The following LRRC4C variants were observed in gnomAD, a reference collection of about 807,000 sequenced individuals.
The protein encoded by LRRC4C is leucine rich repeat containing 4C.
In LRRC4C, 5 loss-of-function variants were observed where a neutral mutation model predicts 33.6. That is an observed-to-expected ratio of 0.15 (90% CI 0.08 to 0.31). The LOEUF (loss-of-function observed/expected upper bound fraction) is 0.31. LRRC4C is among the 10% of genes least tolerant of loss of function. The pLI is 1.00. For missense variants in LRRC4C, 560 were observed against 796.7 expected (o/e 0.70, Z 3.58); for synonymous variants, 329 against 302.0 (o/e 1.09, Z -0.93).
intron 3 of LRRC4C, among the ~76,000 whole-genome samples, chr11:40,631,401 A>G (rs74455930): frequency 0.02 from 3,115 of 152,298 alleles, 50 homozygotes; most frequent in South Asian, 0.037. Context: ...GTTTGGGGCC[A>G]GAGTCACTTT....
At chr11:40,372,620 G>A (rs545129059) in intron 3 of LRRC4C, among the ~76,000 whole-genome samples, 1 of 152,264 alleles carries the variant, frequency 6.6e-6, no homozygotes, top group Non-Finnish European at 1.5e-5. Context: ...GGGAGGGGGA[G>A]ACTCATTCAG....
At chr11:41,377,173 T>A (rs1428885235) in intron 1 of LRRC4C, among the ~76,000 whole-genome samples, 1 of 152,204 alleles carries the variant, frequency 6.6e-6, no homozygotes, top group African/African-American at 2.4e-5. Context: ...TTATCTTCAA[T>A]TGTCCTCCCT....
chr11:40,118,897 G>T (rs915976367), intron 6 of LRRC4C, among the ~76,000 whole-genome samples: 1 of 152,174 alleles, frequency 6.6e-6, no homozygotes, highest in Non-Finnish European at 1.5e-5. Flanking sequence ...ATGGGGCACA[G>T]ACAAGCAATG....
At chr11:41,398,419 C>A (rs1337740870) in intron 1 of LRRC4C, among the ~76,000 whole-genome samples, 2 of 152,010 alleles carry the variant, frequency 1.3e-5, no homozygotes, top group African/African-American at 2.4e-5. Context: ...ATTCTTGAAA[C>A]TTCCTTTCAG....
chr11:40,743,215 TGC>T (rs1176346254), intron 2 of LRRC4C, among the ~76,000 whole-genome samples: 1 of 152,092 alleles, frequency 6.6e-6, no homozygotes, highest in Non-Finnish European at 1.5e-5. Flanking sequence ...AGTGAAAGCA[TGC>T]ATTTAATGAA....
chr11:40,693,144 A>T (rs1289611425), intron 2 of LRRC4C, among the ~76,000 whole-genome samples: 1 of 152,114 alleles, frequency 6.6e-6, no homozygotes, highest in Non-Finnish European at 1.5e-5. Context: ...ACTTACATAC[A>T]TAAAACCTCA....
intron 5 of LRRC4C, among the ~76,000 whole-genome samples, chr11:40,200,784 A>AAAAAAAAAAAAAAAAAAAG (rs71060946): frequency 5.1e-5 from 4 of 78,418 alleles, no homozygotes; most frequent in Non-Finnish European, 6.9e-5. Flanking sequence ...AAAAAAAAAA[A>AAAAAAAAAAAAAAAAAAAG]AAAAGAAAAG....
At chr11:40,606,684 A>G (rs1015100879) in intron 3 of LRRC4C, among the ~76,000 whole-genome samples, 1 of 152,172 alleles carries the variant, frequency 6.6e-6, no homozygotes, top group Admixed American at 6.5e-5. Context: ...AGAAAATATA[A>G]GAAAAAAATA....
intron 6 of LRRC4C, among the ~76,000 whole-genome samples, chr11:40,138,747 T>A (rs1857159312): frequency 6.6e-6 from 1 of 152,360 alleles, no homozygotes; most frequent in East Asian, 1.9e-4. Flanking sequence ...TTATCTTTCC[T>A]AAGGAAATTC....
intron 3 of LRRC4C, among the ~76,000 whole-genome samples, chr11:40,453,016 C>T (rs562957481): frequency 3.1e-4 from 37 of 118,364 alleles, no homozygotes; most frequent in South Asian, 1.8e-3. Context: ...GAACATCACA[C>T]GCTGGGGACT....
intron 1 of LRRC4C, among the ~76,000 whole-genome samples, chr11:41,213,959 G>T (rs182960071): frequency 2.0e-5 from 3 of 152,026 alleles, no homozygotes; most frequent in Non-Finnish European, 4.4e-5. Flanking sequence ...AATTTGATTT[G>T]ATCTCATTAT....
intron 3 of LRRC4C, among the ~76,000 whole-genome samples, chr11:40,584,645 G>A (rs1347446796): frequency 6.6e-6 from 1 of 152,076 alleles, no homozygotes; most frequent in African/African-American, 2.4e-5. Flanking sequence ...AAACATGAAA[G>A]AAGAGGCCTG....
At chr11:41,286,125 G>C (rs115171365) in intron 1 of LRRC4C, among the ~76,000 whole-genome samples, 1 of 152,120 alleles carries the variant, frequency 6.6e-6, no homozygotes, top group Non-Finnish European at 1.5e-5. Flanking sequence ...CACCACGCCC[G>C]CCTAGTCAAT....
intron 3 of LRRC4C, among the ~76,000 whole-genome samples, chr11:40,454,984 G>A (rs1002095576): frequency 7.9e-5 from 12 of 152,132 alleles, no homozygotes; most frequent in Non-Finnish European, 1.6e-4. Context: ...CTTTTAAATG[G>A]GAGCAACACG....
intron 1 of LRRC4C, among the ~76,000 whole-genome samples, chr11:41,401,893 C>T (rs889512943): frequency 3.9e-5 from 6 of 152,072 alleles, no homozygotes; most frequent in Admixed American, 3.3e-4. Flanking sequence ...AATGCCATTG[C>T]ATTCTCTAAT....
At chr11:40,358,190 A>AATAC (rs1206061588) in intron 3 of LRRC4C, among the ~76,000 whole-genome samples, 2 of 151,732 alleles carry the variant, frequency 1.3e-5, no homozygotes, top group Non-Finnish European at 2.9e-5. Context: ...CTCAAAAATA[A>AATAC]ATAAATAAAT....
At chr11:40,124,075 T>TA (rs150372595) in intron 6 of LRRC4C, among the ~76,000 whole-genome samples, 1 of 152,012 alleles carries the variant, frequency 6.6e-6, no homozygotes, top group Non-Finnish European at 1.5e-5. Flanking sequence ...TCTGGTCGTG[T>TA]AAAAAAATCA....
chr11:40,789,480 C>T lies in LRRC4C; in HGVS notation c.-406-141202G>A, dbSNP rs919956968. Among the ~76,000 whole-genome samples, 4 of 152,110 alleles carry T rather than the reference C, an allele frequency of 2.6e-5. No individual in the cohort carries two copies. In the South Asian group the frequency reaches 8.3e-4, roughly 32 times the overall value. ...AATTATAACTTAACTTTAATAACTTCTTAAACATATCTTTCTTCTCTCTCT... is the reference window on the plus strand; with the variant it reads ...AATTATAACTTAACTTTAATAACTTTTTAAACATATCTTTCTTCTCTCTCT... On this transcript the variant is annotated intron_variant, in intron 2 of 6. Coordinates refer to ENST00000528697, the MANE Select transcript of LRRC4C (RefSeq NM_001258419.2).
intron 1 of LRRC4C, among the ~76,000 whole-genome samples, chr11:41,396,386 A>T (rs935018171): frequency 6.6e-6 from 1 of 152,018 alleles, no homozygotes; most frequent in Non-Finnish European, 1.5e-5. Context: ...ATTAAAGTGC[A>T]GAGTTTAGAT....
Sources: gnomAD v4.1 joint callset for allele counts (sites outside exome capture counted in the v4.1 genomes callset) on GRCh38, gnomAD v4.1.1 for gene constraint, MANE v1.5 for transcripts, NCBI Gene and HGNC (gene_info 2026-07-23, HGNC 2026-07-21) for gene names.